The following SMS variants were observed in gnomAD, a reference collection of about 807,000 sequenced individuals.
The protein encoded by SMS is spermine synthase, also known as spermidine aminopropyltransferase.
SMS carries 3 observed loss-of-function variants against 33.0 expected under a neutral mutation model. That is an observed-to-expected ratio of 0.09 (90% CI 0.04 to 0.23). SMS has a LOEUF of 0.23. Ranked by LOEUF, SMS falls within the 10% of genes least tolerant of loss-of-function variation. The pLI is 1.00. For synonymous variants in SMS, 103 were observed against 112.2 expected (o/e 0.92, Z 0.52); for missense variants, 117 against 288.6 (o/e 0.41, Z 4.31).
chrX:21,950,767 G>A (rs887967239), intron 1 of SMS, among the ~76,000 whole-genome samples: 4 of 111,253 alleles, frequency 3.6e-5, no homozygotes, highest in Non-Finnish European at 7.5e-5. Context: ...CCCTGCAAAG[G>A]ACAGGAACTC....
At chrX:21,983,365 TCTGA>T (rs1925108843) in intron 7 of SMS, among the ~76,000 whole-genome samples, 2 of 107,136 alleles carry the variant, frequency 1.9e-5, no homozygotes, top group African/African-American at 6.7e-5. Context: ...ACTCTTGGTT[TCTGA>T]CTATTATATT....
chrX:21,992,447 T>G (rs1602227400), intron 9 of SMS, 150 bp from the exon 10 acceptor site: 4 of 479,960 alleles, frequency 8.3e-6, no homozygotes, highest in East Asian at 7.3e-5. Flanking sequence ...GAATGCAGTG[T>G]GATTTGTGAA....
chrX:21,971,479 A>G (rs780129637), intron 2 of SMS, among the ~76,000 whole-genome samples: 6 of 111,991 alleles, frequency 5.4e-5, no homozygotes, highest in Non-Finnish European at 1.1e-4. Flanking sequence ...ACCTACCACC[A>G]GCCTGCAGTT....
chrX:21,976,530 T>C (rs904249877), intron 4 of SMS, among the ~76,000 whole-genome samples: 1 of 109,524 alleles, frequency 9.1e-6, no homozygotes, highest in East Asian at 2.9e-4. Context: ...CTTGGAGATA[T>C]CAGTGTCATG....
intron 3 of SMS, among the ~76,000 whole-genome samples, chrX:21,972,232 C>G (rs1924214320): frequency 8.9e-6 from 1 of 111,894 alleles, no homozygotes; most frequent in South Asian, 3.7e-4. Flanking sequence ...AATAGAAAAC[C>G]TTTAACCAGG....
chrX:21,967,984 G>A (rs1481697411), intron 2 of SMS, among the ~76,000 whole-genome samples: 4 of 112,570 alleles, frequency 3.6e-5, no homozygotes, highest in Non-Finnish European at 5.6e-5. Flanking sequence ...AGATGATATC[G>A]GAGGGGCTGG....
intron 9 of SMS, among the ~76,000 whole-genome samples, chrX:21,989,539 C>G (rs1286379790): frequency 8.9e-6 from 1 of 111,998 alleles, no homozygotes; most frequent in Non-Finnish European, 1.9e-5. Flanking sequence ...TTGCATAGAA[C>G]AAGCTTGCTG....
chrX:21,960,166 G>C (rs1165215709), intron 1 of SMS, among the ~76,000 whole-genome samples: 2 of 111,086 alleles, frequency 1.8e-5, no homozygotes, highest in African/African-American at 3.3e-5. Context: ...GTTCGGCTTT[G>C]GGTCTTATCA....
At chrX:21,967,056 T>A (rs187401816) in intron 1 of SMS, 140 bp from the exon 2 acceptor site, 10 of 322,774 alleles carry the variant, frequency 3.1e-5, no homozygotes, top group African/African-American at 3.8e-5. Context: ...GTTTTTTAAT[T>A]TTTATTTATT....
chrX:21,967,196 C>T lies in SMS; in HGVS notation c.50C>T (p.Ala17Val). The T allele has an allele frequency of 8.3e-7, 1 of 1,208,969 alleles. No homozygotes were observed. Among genetic ancestry groups the T allele is most frequent in the East Asian group, 3.0e-5 (1 of 33,779 alleles). ...STLDFMLGAK[A>V]DGETILKGLQ... ...TTGCCTTCTTCCCCTTGTTCTCCAG[C>T]TGATGGTGAGACCATTCTAAAAGGC... Residue 17 changes from alanine (A) to valine (V), a missense_variant and splice_region_variant, in exon 2 of 11, where the codon GCT becomes GTT. Physicochemically the swap from Ala to Val is moderately conservative, Grantham distance 64 (BLOSUM62 0). Around this residue, in one of 3 missense-constraint regions of SMS, gnomAD observed 23 missense variants for 60.5 expected, o/e 0.38. Coordinates refer to ENST00000404933, the MANE Select transcript of SMS (RefSeq NM_004595.5).
rs1569358133 is a variant in SMS at position 21,994,548 on chromosome X, CA to C, written c.*198del. ...CTTAGGGTGTTTTTTTTTTGAAAGT[CA>C]GCTGAAGGATGGTTAGACAGCACAG... On this transcript the variant is annotated 3_prime_UTR_variant, in exon 11 of 11. Coordinates refer to ENST00000404933, the MANE Select transcript of SMS (RefSeq NM_004595.5). 1 of 1,042,037 alleles carries C rather than the reference CA, an allele frequency of 9.6e-7. No homozygotes were observed. The highest frequency in any genetic ancestry group is 1.2e-6 in the Non-Finnish European group (1 of 818,887). 85.9% of individuals were successfully genotyped at this position (1,042,037 alleles called of 1,213,427 possible). A position where few individuals can be genotyped will look rare whatever the true frequency, so the allele number is the denominator to read the frequency against.
chrX:21,957,064 C>T lies in SMS; in HGVS notation c.50-10132C>T, dbSNP rs149205546. On this transcript the variant is annotated intron_variant, in intron 1 of 10. Coordinates refer to ENST00000404933, the MANE Select transcript of SMS (RefSeq NM_004595.5). ...AGATGGGGACAGGTAGAGAAGACCACTCCTTGCAGCCCCTTTACCTGATGC... is the reference window on the plus strand; with the variant it reads ...AGATGGGGACAGGTAGAGAAGACCATTCCTTGCAGCCCCTTTACCTGATGC... 8.7e-3 allele frequency among the ~76,000 whole-genome samples: 962 copies of T among 111,105 alleles called. 8 individuals carry two copies. The highest frequency in any genetic ancestry group is 0.03 in the African/African-American group (910 of 30,550).
At chrX:21,945,067 A>C (rs1348666673) in intron 1 of SMS, among the ~76,000 whole-genome samples, 1 of 112,151 alleles carries the variant, frequency 8.9e-6, no homozygotes, top group Non-Finnish European at 1.9e-5. Context: ...CTAACAGGCC[A>C]GCCAGCTCTG....
At chrX:21,976,990 ACT>A (rs1208355097) in intron 4 of SMS, 69 bp from the exon 5 acceptor site, 23 of 1,032,599 alleles carry the variant, frequency 2.2e-5, no homozygotes, top group Non-Finnish European at 3.1e-5. Context: ...TCTTTTGCAC[ACT>A]CTTCATCCTA....
intron 1 of SMS, among the ~76,000 whole-genome samples, chrX:21,942,201 T>TA (rs1921861374): frequency 9.0e-6 from 1 of 111,063 alleles, no homozygotes; most frequent in South Asian, 3.8e-4. Context: ...GCTTTTCTCT[T>TA]ACCATTTTTA....
chrX:21,963,554 T>C (rs1484625637), intron 1 of SMS, among the ~76,000 whole-genome samples: 1 of 112,331 alleles, frequency 8.9e-6, no homozygotes, highest in Non-Finnish European at 1.9e-5. Context: ...GGACTTTCTT[T>C]AGCCCACACG....
intron 9 of SMS, among the ~76,000 whole-genome samples, chrX:21,986,833 A>G (rs1327480141): frequency 9.0e-6 from 1 of 111,666 alleles, no homozygotes; most frequent in Admixed American, 9.5e-5. Flanking sequence ...CTGCTTTTGT[A>G]CTGAGTAGTT....
chrX:21,952,409 GT>G (rs1555994824), intron 1 of SMS, among the ~76,000 whole-genome samples: 1 of 53,664 alleles, frequency 1.9e-5, no homozygotes, highest in African/African-American at 1.6e-4. Context: ...GGATCACGTT[GT>G]TTGTTTGTTT....
intron 1 of SMS, among the ~76,000 whole-genome samples, chrX:21,946,664 G>A (rs895608426): frequency 1.8e-5 from 2 of 111,202 alleles, no homozygotes; most frequent in Non-Finnish European, 3.8e-5. Flanking sequence ...GCAATTTCTG[G>A]AGACAGTTTT....
Sources: allele counts gnomAD v4.1 joint callset (sites outside exome capture counted in the v4.1 genomes callset), GRCh38; gene constraint gnomAD v4.1.1; regional missense constraint gnomAD v4.1.1; transcripts MANE v1.5; gene names NCBI Gene and HGNC (gene_info 2026-07-23, HGNC 2026-07-21).